The following TAS2R1 variants were observed in gnomAD, a reference collection of about 807,000 sequenced individuals.
TAS2R1 encodes the protein taste 2 receptor member 1, also known as taste receptor type 2 member 1.
For missense variants in TAS2R1, 370 were observed against 353.4 expected (o/e 1.05, Z -0.38); for synonymous variants, 141 against 134.2 (o/e 1.05, Z -0.35).
At chr5:9,844,425 G>C in the TAS2R1 span, among the ~76,000 whole-genome samples, 1 of 151,966 alleles carries the variant, frequency 6.6e-6, no homozygotes, top group East Asian at 1.9e-4. Flanking sequence ...TTACCACAGG[G>C]CCTTCTACAT....
the TAS2R1 span, among the ~76,000 whole-genome samples, chr5:9,831,645 T>C: frequency 1.3e-5 from 2 of 151,668 alleles, no homozygotes; most frequent in African/African-American, 2.4e-5. Flanking sequence ...TCGTAACATA[T>C]TAGTTTTAAA....
chr5:9,714,597 CAATA>C (rs1357093848), upstream of TAS2R1, among the ~76,000 whole-genome samples: 1 of 152,070 alleles, frequency 6.6e-6, no homozygotes, highest in African/African-American at 2.4e-5. Flanking sequence ...AAATCAGAAA[CAATA>C]AATTAAACTA....
chr5:9,866,617 AC>A, the TAS2R1 span, among the ~76,000 whole-genome samples: 1 of 152,132 alleles, frequency 6.6e-6, no homozygotes, highest in Non-Finnish European at 1.5e-5. Context: ...GTTCACCCTT[AC>A]TCATAGGATA....
At chr5:9,811,985 C>T in the TAS2R1 span, among the ~76,000 whole-genome samples, 6 of 152,086 alleles carry the variant, frequency 3.9e-5, no homozygotes, top group Non-Finnish European at 5.9e-5. Context: ...CCCAAACTTC[C>T]TCCCCCCGCA....
chr5:9,647,577 C>T (rs1343551477), intron 2 of TAS2R1, among the ~76,000 whole-genome samples: 1 of 152,032 alleles, frequency 6.6e-6, no homozygotes, highest in Non-Finnish European at 1.5e-5. Flanking sequence ...GGTCCTCCAG[C>T]CACGTGAATA....
At chr5:9,669,141 A>G (rs1740701625) in intron 1 of TAS2R1, among the ~76,000 whole-genome samples, 1 of 152,220 alleles carries the variant, frequency 6.6e-6, no homozygotes, top group African/African-American at 2.4e-5. Context: ...CAGAGTTTAA[A>G]TCAGCAATAA....
chr5:9,636,210 G>T (rs1161380867), intron 2 of TAS2R1, among the ~76,000 whole-genome samples: 1 of 151,978 alleles, frequency 6.6e-6, no homozygotes, highest in Non-Finnish European at 1.5e-5. Context: ...GATTATTCAA[G>T]AGCAGATTAT....
chr5:9,725,239 A>C, the TAS2R1 span, among the ~76,000 whole-genome samples: 1 of 152,320 alleles, frequency 6.6e-6, no homozygotes, highest in South Asian at 2.1e-4. Context: ...CCGCTGCTGC[A>C]CTGTGGGAGC....
At chr5:9,723,866 G>T in the TAS2R1 span, among the ~76,000 whole-genome samples, 1 of 152,340 alleles carries the variant, frequency 6.6e-6, no homozygotes, top group South Asian at 2.1e-4. Context: ...AGGGAGAAAG[G>T]AGTAGCGCTT....
upstream of TAS2R1, among the ~76,000 whole-genome samples, chr5:9,634,517 A>T (rs558276476): frequency 8.2e-4 from 124 of 152,108 alleles, 2 homozygotes; most frequent in South Asian, 0.025. Flanking sequence ...ATTGCATTGA[A>T]TTTGTAGATT....
At chr5:9,861,037 G>GTTTTTT in the TAS2R1 span, among the ~76,000 whole-genome samples, 10 of 88,626 alleles carry the variant, frequency 1.1e-4, 1 homozygote, top group South Asian at 4.1e-4. Flanking sequence ...GGAAGATGAG[G>GTTTTTT]TTTTTTTTTT....
chr5:9,833,988 G>A, the TAS2R1 span, among the ~76,000 whole-genome samples: 1 of 152,316 alleles, frequency 6.6e-6, no homozygotes, highest in Admixed American at 6.5e-5. Context: ...TTGTAAGCAG[G>A]CGATTCCTGT....
At chr5:9,888,614 A>C in the TAS2R1 span, among the ~76,000 whole-genome samples, 1 of 152,254 alleles carries the variant, frequency 6.6e-6, no homozygotes, top group East Asian at 1.9e-4. Context: ...AGGAAAGGGC[A>C]TGCTGTCATT....
the TAS2R1 span, among the ~76,000 whole-genome samples, chr5:9,777,922 G>A: frequency 1.9e-4 from 28 of 147,932 alleles, no homozygotes; most frequent in African/African-American, 5.3e-4. Context: ...CGCCCAGGCC[G>A]GACTGCGGAC....
the TAS2R1 span, among the ~76,000 whole-genome samples, chr5:9,805,264 A>G: frequency 6.6e-6 from 1 of 152,052 alleles, no homozygotes; most frequent in Non-Finnish European, 1.5e-5. Flanking sequence ...AAAATTATCA[A>G]AAATAAAACA....
the TAS2R1 span, among the ~76,000 whole-genome samples, chr5:9,760,703 A>G: frequency 3.3e-5 from 5 of 152,238 alleles, no homozygotes; most frequent in South Asian, 1.0e-3. Flanking sequence ...AACTTGATTT[A>G]AAGCCATACC....
intron 1 of TAS2R1, among the ~76,000 whole-genome samples, chr5:9,699,001 G>A (rs1579789617): frequency 6.6e-6 from 1 of 152,222 alleles, no homozygotes; most frequent in East Asian, 1.9e-4. Flanking sequence ...TACAATAAAG[G>A]AGACACTTCT....
chr5:9,759,148 T>C, the TAS2R1 span, among the ~76,000 whole-genome samples: 1 of 152,220 alleles, frequency 6.6e-6, no homozygotes, highest in Non-Finnish European at 1.5e-5. Flanking sequence ...CAAACATTTA[T>C]TATTTAAAAT....
chr5:9,829,444 A>T, the TAS2R1 span, among the ~76,000 whole-genome samples: 1 of 152,158 alleles, frequency 6.6e-6, no homozygotes, highest in Non-Finnish European at 1.5e-5. Context: ...GATGCTGAGA[A>T]ATTATCTTAT....
Sources: gnomAD v4.1 joint callset for allele counts (sites outside exome capture counted in the v4.1 genomes callset) on GRCh38, gnomAD v4.1.1 for gene constraint, MANE v1.5 for transcripts, NCBI Gene and HGNC (gene_info 2026-07-23, HGNC 2026-07-21) for gene names.